RIN2: variants seen among roughly 807,000 people sequenced by gnomAD.
The protein encoded by RIN2 is RAB5 interacting protein 2.
A neutral mutation model predicts 78.0 loss-of-function variants in RIN2; 36 were observed. The ratio of observed to expected loss-of-function variants is 0.46; its 90% confidence interval spans 0.35 to 0.61. The LOEUF is 0.61. RIN2 is among the 20% of genes least tolerant of loss of function. The pLI, the probability that RIN2 is intolerant of heterozygous loss-of-function variation, is 0.00. For missense variants in RIN2, 1,087 were observed against 1,159.7 expected, an observed-to-expected ratio of 0.94 and a Z score of 0.91; for synonymous variants, 466 against 466.8, an observed-to-expected ratio of 1.00 and a Z score of 0.02.
chr20:19,964,027 C>G (rs1249953733), intron 6 of RIN2, among the ~76,000 whole-genome samples: 3 of 152,116 alleles, frequency 2.0e-5, no homozygotes, highest in Non-Finnish European at 2.9e-5. Flanking sequence ...CCACATCCAG[C>G]TAATTTTTGT....
intron 11 of RIN2, 135 bp from the exon 12 acceptor site, chr20:19,996,544 C>T: frequency 1.2e-6 from 1 of 842,950 alleles, no homozygotes; most frequent in Non-Finnish European, 1.9e-6. Context: ...GTGTGTGCTT[C>T]TGTGATCCCA....
At chr20:19,825,299 G>T (rs2036055966) in intron 2 of RIN2, among the ~76,000 whole-genome samples, 1 of 152,178 alleles carries the variant, frequency 6.6e-6, no homozygotes, top group East Asian at 1.9e-4. Flanking sequence ...CCTGCTACCT[G>T]GTTGATGTCC....
intron 2 of RIN2, among the ~76,000 whole-genome samples, chr20:19,869,970 A>G (rs973369989): frequency 1.6e-4 from 25 of 152,130 alleles, no homozygotes; most frequent in Non-Finnish European, 2.9e-5. Context: ...AATAATGTCA[A>G]ACTTCCAGAA....
chr20:19,797,636 T>C lies in RIN2; in HGVS notation c.-162-1986T>C, dbSNP rs139312472. Among the ~76,000 whole-genome samples, 883 of 152,304 alleles carry C rather than the reference T, an allele frequency of 5.8e-3. 5 individuals are homozygous for C. Among genetic ancestry groups the C allele is most frequent in the Non-Finnish European group, 9.2e-3 (629 of 68,034 alleles). ...TGATGTCAACGTAGCTTAATGTTTATTGGGATGATTTTGAGTAGTCCTATC... is the reference window on the plus strand; with the variant it reads ...TGATGTCAACGTAGCTTAATGTTTACTGGGATGATTTTGAGTAGTCCTATC... On this transcript the variant is annotated intron_variant, in intron 1 of 12. Coordinates refer to ENST00000255006, the MANE Select transcript of RIN2 (RefSeq NM_018993.4).
At chr20:19,785,465 G>T (rs371179480) in intron 1 of RIN2, among the ~76,000 whole-genome samples, 1 of 152,176 alleles carries the variant, frequency 6.6e-6, no homozygotes, top group Non-Finnish European at 1.5e-5. Flanking sequence ...GAGAGGAAAT[G>T]GGGAAATTCA....
At chr20:19,998,950 T>C (rs2043056610) in intron 12 of RIN2, among the ~76,000 whole-genome samples, 1 of 152,216 alleles carries the variant, frequency 6.6e-6, no homozygotes, top group African/African-American at 2.4e-5. Flanking sequence ...AGCTGCCTTC[T>C]TCTGCAGCCG....
intron 2 of RIN2, among the ~76,000 whole-genome samples, chr20:19,821,659 GCTCTCT>G (rs59384906): frequency 6.7e-6 from 1 of 149,672 alleles, no homozygotes; most frequent in African/African-American, 2.4e-5. Context: ...TCCTCACGCT[GCTCTCT>G]CTCTCTCTCT....
At position 19,975,729 on chromosome 20, in the gene RIN2, GTC is replaced by G; in HGVS notation, c.1707_1708del (p.Gln570GlufsTer14). ...QFMTQVKNYL[S>X]QSSELDPPIE... is the part of the protein sequence containing the mutation. ...TCATGACCCAGGTCAAGAACTATTT[GTC>G]TCAGAGCTCGGAGCTGGACCCCCCC... On this transcript the variant is annotated frameshift_variant, in exon 9 of 13. Transcript: ENST00000255006. LOFTEE classifies it high-confidence loss of function. This position sits in a 1 kb window ranked among gnomAD's most constrained non-coding sequence, Gnocchi z 4.9. The G allele has an allele frequency of 1.2e-6, 2 of 1,613,398 alleles. No homozygotes were observed. Among genetic ancestry groups the G allele is most frequent in the Non-Finnish European group, 1.7e-6 (2 of 1,179,818 alleles).
At chr20:19,977,693 TCTG>T in intron 9 of RIN2, among the ~76,000 whole-genome samples, 1 of 152,130 alleles carries the variant, frequency 6.6e-6, no homozygotes, top group Non-Finnish European at 1.5e-5. Flanking sequence ...AGCTCACTGT[TCTG>T]CTGCTGCTGC....
intron 4 of RIN2, among the ~76,000 whole-genome samples, chr20:19,944,784 C>T (rs527695628): frequency 3.9e-5 from 6 of 152,206 alleles, no homozygotes; most frequent in Non-Finnish European, 8.8e-5. Context: ...AACTCTCCTG[C>T]TTCCAGGACC....
intron 4 of RIN2, among the ~76,000 whole-genome samples, chr20:19,939,024 C>T (rs2040759095): frequency 6.6e-6 from 1 of 152,166 alleles, no homozygotes; most frequent in Non-Finnish European, 1.5e-5. Flanking sequence ...TCCCATCCAT[C>T]TCCAAATCCA....
intron 2 of RIN2, among the ~76,000 whole-genome samples, chr20:19,870,791 C>T (rs2037667690): frequency 2.0e-5 from 3 of 152,108 alleles, no homozygotes; most frequent in African/African-American, 7.2e-5. Context: ...GATGAGATTC[C>T]ACATACACAC....
chr20:19,782,795 C>T (rs1286363642), intron 1 of RIN2, among the ~76,000 whole-genome samples: 3 of 152,124 alleles, frequency 2.0e-5, no homozygotes, highest in Non-Finnish European at 4.4e-5. Context: ...GTTGATCTGT[C>T]CCTTGTCTTA....
At chr20:19,901,229 C>T (rs1210234697) in intron 3 of RIN2, among the ~76,000 whole-genome samples, 1 of 152,172 alleles carries the variant, frequency 6.6e-6, no homozygotes, top group Non-Finnish European at 1.5e-5. Context: ...TGGTCAGATA[C>T]AGTATTTTGA....
rs1568815000 is a variant in RIN2 at position 19,851,039 on chromosome 20, AAGG to A, written c.-36-38525_-36-38523del. Among the ~76,000 whole-genome samples the A allele has an allele frequency of 7.1e-4, 68 of 96,420 alleles. 1 individual carries two copies. Among genetic ancestry groups the A allele is most frequent in the East Asian group, 3.6e-3 (12 of 3,364 alleles). 63.3% of individuals were successfully genotyped at this position (96,420 alleles called of 152,430 possible). A position where few individuals can be genotyped will look rare whatever the true frequency, so the allele number is the denominator to read the frequency against. On this transcript the variant is annotated intron_variant, in intron 2 of 12. Coordinates refer to ENST00000255006, the MANE Select transcript of RIN2 (RefSeq NM_018993.4). The stretch of plus-strand genomic sequence containing the variant: ...GAAGGAAGGAAGGAAGGAAGGAAGG[AAGG>A]AAGGAAGGAGAAAGAAAGGAAGGAA...
At chr20:19,873,826 T>A (rs1187590381) in intron 2 of RIN2, among the ~76,000 whole-genome samples, 1 of 152,224 alleles carries the variant, frequency 6.6e-6, no homozygotes, top group African/African-American at 2.4e-5. Flanking sequence ...CCTCATTATT[T>A]GTGAATTCTG....
rs533327932 is a variant in RIN2, at chr20:19,767,388, A to G, written c.-163+9061A>G. Among the ~76,000 whole-genome samples, 7 of 152,310 alleles carry G rather than the reference A, an allele frequency of 4.6e-5. No individual in the cohort carries two copies. In the South Asian group the frequency reaches 1.5e-3, roughly 32 times the overall value. On this transcript the variant is annotated intron_variant, in intron 1 of 12. Coordinates refer to ENST00000255006, the MANE Select transcript of RIN2 (RefSeq NM_018993.4). ...GTTTCTTTATGGCCAGTTTTTACACAGAATGGTGGAGGGAAAGTTACAGCA... is the reference window on the plus strand; with the variant it reads ...GTTTCTTTATGGCCAGTTTTTACACGGAATGGTGGAGGGAAAGTTACAGCA...
chr20:19,991,262 G>A (rs1445180222), intron 10 of RIN2, among the ~76,000 whole-genome samples: 1 of 152,142 alleles, frequency 6.6e-6, no homozygotes, highest in Non-Finnish European at 1.5e-5. Flanking sequence ...AAGTTTGCAA[G>A]CATATTTCAC....
At chr20:19,914,196 C>A (rs80265806) in intron 3 of RIN2, among the ~76,000 whole-genome samples, 2,036 of 152,262 alleles carry the variant, frequency 0.013, 38 homozygotes, top group African/African-American at 0.046. Flanking sequence ...AACCACTCAC[C>A]TGATGCTTGT....
Sources: allele counts gnomAD v4.1 joint callset (sites outside exome capture counted in the v4.1 genomes callset), GRCh38; gene constraint gnomAD v4.1.1; non-coding constraint Gnocchi (gnomAD v3.1); transcripts MANE v1.5; gene names NCBI Gene and HGNC (gene_info 2026-07-23, HGNC 2026-07-21).